STAG2: variants seen among roughly 807,000 people sequenced by gnomAD.
STAG2 encodes STAG2 cohesin complex component.
Under a neutral mutation model 108.1 loss-of-function variants are expected in STAG2, and 14 were observed. The observed-to-expected ratio is 0.13, with a 90% CI of 0.09 to 0.20. The LOEUF is 0.20. Among genes scored for constraint, STAG2 ranks in the 10% least tolerant of loss-of-function variants. The pLI, the probability that STAG2 is intolerant of heterozygous loss-of-function variation, is 1.00. For missense variants in STAG2, 440 were observed against 940.9 expected, an observed-to-expected ratio of 0.47 and a Z score of 6.96; for synonymous variants, 307 against 302.7, an observed-to-expected ratio of 1.01 and a Z score of -0.15.
intron 13 of STAG2, among the ~76,000 whole-genome samples, chrX:124,053,202 A>G (rs926485076): frequency 1.8e-5 from 2 of 112,295 alleles, no homozygotes; most frequent in African/African-American, 6.5e-5. Flanking sequence ...CTCTATACCA[A>G]GCACTTGGGT....
In STAG2 at chrX:124,102,230, A is replaced by T. The variant is rs778506982; in HGVS notation, c.*1633A>T. ...ATTGTTATGTGCAAAAGTATTGCCT[A>T]TGTTGTTTTACACACCACTGCATTA... On this transcript the variant is annotated 3_prime_UTR_variant, in exon 35 of 35. Transcript: ENST00000371145. The T allele has an allele frequency of 1.3e-5, 2 of 158,261 alleles. No homozygotes were observed. The highest frequency in any genetic ancestry group is 6.0e-5 in the African/African-American group (2 of 33,206). The allele number at this position is 158,261 out of a possible 1,213,427, so 13.0% of individuals were successfully genotyped here. A position where few individuals can be genotyped will look rare whatever the true frequency, so the allele number is the denominator to read the frequency against.
chrX:124,043,783 C>T (rs1042634945), intron 7 of STAG2, among the ~76,000 whole-genome samples: 2 of 111,119 alleles, frequency 1.8e-5, no homozygotes, highest in Non-Finnish European at 3.8e-5. Context: ...GAGTTGTCCC[C>T]CCCTTACCTC....
chrX:124,072,904 C>CTTTTTTTTTTTTTTTT (rs779996801), intron 25 of STAG2, among the ~76,000 whole-genome samples: 13 of 72,692 alleles, frequency 1.8e-4, no homozygotes, highest in Non-Finnish European at 2.8e-4. Flanking sequence ...TTCTTTCTTT[C>CTTTTTTTTTTTTTTTT]TTTTTTTTTT....
intron 34 of STAG2, among the ~76,000 whole-genome samples, chrX:124,098,674 T>G (rs2059441544): frequency 8.9e-6 from 1 of 112,063 alleles, no homozygotes; most frequent in Non-Finnish European, 1.9e-5. Context: ...TAAAAATATC[T>G]TTTTAAACAC....
chrX:124,048,229 T>G (rs2057933169), intron 9 of STAG2, among the ~76,000 whole-genome samples: 1 of 111,881 alleles, frequency 8.9e-6, no homozygotes, highest in African/African-American at 3.2e-5. Context: ...TAATTTTAAA[T>G]TGGTTATTTC....
At chrX:123,982,420 G>A (rs1253307924) in intron 1 of STAG2, among the ~76,000 whole-genome samples, 1 of 111,538 alleles carries the variant, frequency 9.0e-6, no homozygotes, top group Non-Finnish European at 1.9e-5. Flanking sequence ...CTGGAATGCA[G>A]TGGCACGATC....
At chrX:124,026,911 T>TG (rs1297586983) in intron 4 of STAG2, among the ~76,000 whole-genome samples, 1 of 111,137 alleles carries the variant, frequency 9.0e-6, no homozygotes, top group Non-Finnish European at 1.9e-5. Context: ...TTTTTGGAGA[T>TG]GGGGTCTCTC....
At position 124,037,567 on chromosome X, in the gene STAG2, G is replaced by A. The variant is rs2057556781; in HGVS notation, c.329G>A (p.Arg110Gln). Residue 110 changes from arginine (R) to glutamine (Q), a missense_variant, in exon 6 of 35, where the codon CGA becomes CAA. Transcript: ENST00000371145. The stretch of plus-strand genomic sequence containing the variant: ...TGGATAGAATCATACAAGCATGACC[G>A]AGATATAGCACTTCTTGACCTTATC... Reference protein sequence around the residue: ...DDWIESYKHDRDIALLDLINF... With the variant: ...DDWIESYKHDQDIALLDLINF... 2.5e-6 allele frequency: 3 copies of A among 1,188,726 alleles called. No individual in the cohort carries two copies. Among genetic ancestry groups the A allele is most frequent in the African/African-American group, 1.8e-5 (1 of 56,570 alleles).
At chrX:123,994,288 C>T (rs1480281309) in intron 1 of STAG2, among the ~76,000 whole-genome samples, 1 of 111,602 alleles carries the variant, frequency 9.0e-6, no homozygotes, top group Admixed American at 9.6e-5. Context: ...CTCAGAATCT[C>T]ACTCATTACC....
chrX:124,071,464 G>T, intron 25 of STAG2, 141 bp downstream of exon 25: 1 of 481,321 alleles, frequency 2.1e-6, no homozygotes, highest in Non-Finnish European at 3.1e-6. Context: ...CACAATTTAT[G>T]TTCATTTTTT....
At chrX:124,016,238 C>T (rs1291442251) in intron 1 of STAG2, among the ~76,000 whole-genome samples, 1 of 110,786 alleles carries the variant, frequency 9.0e-6, no homozygotes, top group Non-Finnish European at 1.9e-5. Flanking sequence ...CTCCCAGGCT[C>T]AAGCGATCCT....
chrX:124,015,711 TAGTTTTTTTCTTTTTGA>T (rs1302530357), intron 1 of STAG2, among the ~76,000 whole-genome samples: 2 of 112,341 alleles, frequency 1.8e-5, no homozygotes, highest in African/African-American at 6.5e-5. Context: ...AAAGGGGCAG[TAGTTTTTTTCTTTTTGA>T]AGGTAGATAT....
chrX:124,082,267 A>G (rs73553877), intron 28 of STAG2, among the ~76,000 whole-genome samples: 1 of 111,468 alleles, frequency 9.0e-6, no homozygotes, highest in African/African-American at 3.3e-5. Context: ...CCATCTGCAT[A>G]TTTTGTTGCC....
In STAG2 at chrX:124,090,717, T is replaced by C. The variant is rs911960964; in HGVS notation, c.3420T>C (p.Ser1140=). ...TACGGCCTGAGGATAGCTTCATGAG[T>C]GTTTATCCAATGCAGACTGAACATC... ...KRLRPEDSFM[S]VYPMQTEHHQ... is the part of the protein sequence containing the mutation. The change falls in exon 31 of 35, where the codon AGT becomes AGC. Residue 1140 remains serine (S), a synonymous_variant. Coordinates refer to ENST00000371145, the MANE Select transcript of STAG2 (RefSeq NM_001042750.2). 16 of 1,211,542 alleles carry C rather than the reference T, an allele frequency of 1.3e-5. No individual in the cohort carries two copies. Among genetic ancestry groups the C allele is most frequent in the Non-Finnish European group, 1.8e-5 (16 of 895,409 alleles).
chrX:124,082,276 C>G (rs1384109252), intron 28 of STAG2, among the ~76,000 whole-genome samples: 4 of 111,534 alleles, frequency 3.6e-5, no homozygotes, highest in Non-Finnish European at 7.5e-5. Context: ...TATTTTGTTG[C>G]CCTTATCAAA....
intron 8 of STAG2, among the ~76,000 whole-genome samples, chrX:124,046,244 A>C (rs2057873823): frequency 8.9e-6 from 1 of 112,455 alleles, no homozygotes; most frequent in East Asian, 2.8e-4. Context: ...TTCTCAAAGA[A>C]TTAAATCTAT....
In STAG2 at chrX:124,021,182, TATTA is replaced by T. The variant is rs764285823; in HGVS notation, c.-162-179_-162-176del. Among the ~76,000 whole-genome samples the T allele has an allele frequency of 5.9e-4, 66 of 112,241 alleles. No individual in the cohort carries two copies. In the East Asian group the frequency reaches 0.015, roughly 26 times the overall value. ...GAAATACAATGTTTTGAACTTTGTA[TATTA>T]ATTAAATATTAGTAACCATTGATGA... On this transcript the variant is annotated intron_variant, in intron 1 of 34. Transcript: ENST00000371145.
chrX:124,016,759 G>T (rs2056745284), intron 1 of STAG2, among the ~76,000 whole-genome samples: 1 of 111,625 alleles, frequency 9.0e-6, no homozygotes, highest in Non-Finnish European at 1.9e-5. Context: ...TTGACCCTGG[G>T]AGTTCAAGAC....
At chrX:124,012,014 T>A (rs762095056) in intron 1 of STAG2, among the ~76,000 whole-genome samples, 4 of 111,980 alleles carry the variant, frequency 3.6e-5, no homozygotes, top group Non-Finnish European at 5.6e-5. Flanking sequence ...GGGTGTTGAA[T>A]CTTGTCAAAT....
Sources: allele counts gnomAD v4.1 joint callset (sites outside exome capture counted in the v4.1 genomes callset), GRCh38; gene constraint gnomAD v4.1.1; transcripts MANE v1.5; gene names NCBI Gene and HGNC (gene_info 2026-07-23, HGNC 2026-07-21).